GULP1: variants seen among roughly 807,000 people sequenced by gnomAD.
GULP1 encodes PTB domain-containing engulfment adapter protein 1.
GULP1 carries 19 observed loss-of-function variants against 40.9 expected under a neutral mutation model. The ratio of observed to expected loss-of-function variants is 0.46; its 90% CI spans 0.32 to 0.68. The LOEUF (loss-of-function observed/expected upper bound fraction) is 0.68. GULP1 is among the 30% of genes least tolerant of loss of function. GULP1 has a pLI of 0.03. For missense variants in GULP1, 312 were observed against 362.2 expected (o/e 0.86, Z 1.12); for synonymous variants, 119 against 117.6 (o/e 1.01, Z -0.08).
chr2:188,457,388 G>T (rs953606685), intron 2 of GULP1, among the ~76,000 whole-genome samples: 2 of 152,104 alleles, frequency 1.3e-5, no homozygotes, highest in South Asian at 4.1e-4. Flanking sequence ...TTTCTGTGCT[G>T]TTCTCATGAT....
intron 6 of GULP1, among the ~76,000 whole-genome samples, chr2:188,540,030 T>G (rs936665646): frequency 2.6e-5 from 4 of 152,008 alleles, no homozygotes; most frequent in African/African-American, 4.8e-5. Flanking sequence ...AAAGCTTTTT[T>G]GGGGGATATT....
rs1005045743 is a variant in GULP1 at position 188,456,334 on chromosome 2, G to A, written c.-44-21325G>A. Reference sequence around the variant, plus strand: ...GCCGGAAGGCCTAGGAAGAAAAATCGGTTTTCTGGGCTGGGCCTGAGGTCC... The same window carrying A: ...GCCGGAAGGCCTAGGAAGAAAAATCAGTTTTCTGGGCTGGGCCTGAGGTCC... On this transcript the variant is annotated intron_variant, in intron 2 of 11. Coordinates refer to ENST00000409830, the MANE Select transcript of GULP1 (RefSeq NM_016315.4). Among the ~76,000 whole-genome samples, 7 of 152,242 alleles carry A rather than the reference G, an allele frequency of 4.6e-5. No homozygotes were observed. The East Asian group carries it at 7.7e-4, about 17-fold the overall frequency.
At chr2:188,589,850 A>C (rs1258919267) in intron 11 of GULP1, 1 of 546,326 alleles carries the variant, frequency 1.8e-6, no homozygotes, top group African/African-American at 2.0e-5. Flanking sequence ...TTCAAACAAC[A>C]GCTTCATATG....
At chr2:188,591,200 A>C (rs1428797142) in intron 11 of GULP1, 1 of 152,070 alleles carries the variant, frequency 6.6e-6, no homozygotes, top group African/African-American at 2.4e-5. Context: ...TGTCTAATCA[A>C]AGTAAACATA....
Position 188,441,505 on chromosome 2 carries a change from C to G in GULP1, c.-44-36154C>G, listed in dbSNP as rs182822661. On this transcript the variant is annotated intron_variant, in intron 2 of 11. Transcript: ENST00000409830. Reference sequence around the variant, plus strand: ...CCACAGTGCTAGGACTCTTATCAACCTTGCTGCTGCTCAGACTTGAGCCTT... The same window carrying G: ...CCACAGTGCTAGGACTCTTATCAACGTTGCTGCTGCTCAGACTTGAGCCTT... 9.2e-4 allele frequency among the ~76,000 whole-genome samples: 140 copies of G among 152,232 alleles called. 1 individual carries two copies. The highest frequency in any genetic ancestry group is 3.2e-3 in the African/African-American group (134 of 41,542).
chr2:188,477,832 G>A, intron 3 of GULP1, 102 bp downstream of exon 3: 1 of 847,696 alleles, frequency 1.2e-6, no homozygotes, highest in Admixed American at 2.5e-5. Context: ...CAAACCACCT[G>A]GCCCAGAAAT....
intron 1 of GULP1, among the ~76,000 whole-genome samples, chr2:188,371,513 A>G (rs2047595353): frequency 6.6e-6 from 1 of 152,136 alleles, no homozygotes; most frequent in Non-Finnish European, 1.5e-5. Flanking sequence ...CTCATCTTTC[A>G]ACGTTGATTT....
chr2:188,336,071 A>G (rs546467770), intron 1 of GULP1, among the ~76,000 whole-genome samples: 19 of 152,288 alleles, frequency 1.2e-4, no homozygotes, highest in Non-Finnish European at 2.2e-4. Flanking sequence ...TACATATATG[A>G]TTATATTTAA....
chr2:188,559,377 A>G (rs1323429627), intron 7 of GULP1, among the ~76,000 whole-genome samples: 1 of 152,178 alleles, frequency 6.6e-6, no homozygotes, highest in Non-Finnish European at 1.5e-5. Context: ...GAGAACCTCT[A>G]CCTAGATTTC....
chr2:188,383,628 A>G (rs1056937058), intron 1 of GULP1, 135 bp from the exon 2 acceptor site: 18 of 152,204 alleles, frequency 1.2e-4, no homozygotes, highest in African/African-American at 4.3e-4. Context: ...TTATTTCCCT[A>G]TTATTTGGTA....
chr2:188,436,107 C>A (rs1324154160), intron 2 of GULP1, among the ~76,000 whole-genome samples: 1 of 152,070 alleles, frequency 6.6e-6, no homozygotes, highest in Non-Finnish European at 1.5e-5. Context: ...TTCCCACCCT[C>A]AAGGGGAGAG....
At position 188,410,858 on chromosome 2, in the gene GULP1, C is replaced by T. The variant is rs548493597; in HGVS notation, c.-45+26969C>T. ...CCTTCATGGAAGGCTGGGAGGTTTG[C>T]ATAAGCTCCAGTAATAGATCTGGCT... On this transcript the variant is annotated intron_variant, in intron 2 of 11. Coordinates refer to ENST00000409830, the MANE Select transcript of GULP1 (RefSeq NM_016315.4). 4.6e-5 allele frequency among the ~76,000 whole-genome samples: 7 copies of T among 152,266 alleles called. No homozygotes were observed. The South Asian group carries it at 1.2e-3, about 27-fold the overall frequency.
intron 1 of GULP1, among the ~76,000 whole-genome samples, chr2:188,310,825 G>T (rs926789490): frequency 6.6e-6 from 1 of 152,122 alleles, no homozygotes; most frequent in South Asian, 2.1e-4. Context: ...ATACCAGAGG[G>T]ACTTCTTAAA....
intron 4 of GULP1, among the ~76,000 whole-genome samples, chr2:188,513,309 TAA>T (rs1363281677): frequency 6.6e-6 from 1 of 152,164 alleles, no homozygotes; most frequent in African/African-American, 2.4e-5. Context: ...TCTAATATTC[TAA>T]ATTTCCCATC....
chr2:188,490,050 T>C (rs1485775597), intron 4 of GULP1, among the ~76,000 whole-genome samples: 1 of 152,118 alleles, frequency 6.6e-6, no homozygotes, highest in African/African-American at 2.4e-5. Flanking sequence ...AATTATTGAA[T>C]AGGAACTAAA....
chr2:188,304,515 G>A (rs1003622348), intron 1 of GULP1, among the ~76,000 whole-genome samples: 2 of 152,190 alleles, frequency 1.3e-5, no homozygotes, highest in African/African-American at 4.8e-5. Flanking sequence ...CAGGGCAATT[G>A]GTAGGATGGG....
At chr2:188,564,454 A>G (rs1697144136) in intron 7 of GULP1, among the ~76,000 whole-genome samples, 1 of 151,966 alleles carries the variant, frequency 6.6e-6, no homozygotes, top group South Asian at 2.1e-4. Flanking sequence ...ACTAGCAAAA[A>G]GAAAGAAAGA....
At chr2:188,437,371 G>A (rs1358338958) in intron 2 of GULP1, among the ~76,000 whole-genome samples, 1 of 152,000 alleles carries the variant, frequency 6.6e-6, no homozygotes, top group African/African-American at 2.4e-5. Context: ...TCATCTGTTT[G>A]TTCTATTTAG....
intron 2 of GULP1, among the ~76,000 whole-genome samples, chr2:188,394,049 T>C (rs192217088): frequency 3.3e-5 from 5 of 152,336 alleles, no homozygotes; most frequent in Admixed American, 3.3e-4. Context: ...TTTGATCTTC[T>C]TATATTTAGA....
Sources: gnomAD v4.1 joint callset for allele counts (sites outside exome capture counted in the v4.1 genomes callset) on GRCh38, gnomAD v4.1.1 for gene constraint, MANE v1.5 for transcripts, NCBI Gene and HGNC (gene_info 2026-07-23, HGNC 2026-07-21) for gene names.